MRS2: variants seen among roughly 807,000 people sequenced by gnomAD.
MRS2 encodes magnesium transporter MRS2.
Under a neutral mutation model 52.6 loss-of-function variants are expected in MRS2, and 40 were observed. The ratio of observed to expected loss-of-function variants is 0.76; its 90% CI spans 0.59 to 0.99. The LOEUF (loss-of-function observed/expected upper bound fraction) is 0.99, where lower values mean the gene tolerates loss of function less well. Among genes scored for constraint, MRS2 ranks in the 50% least tolerant of loss-of-function variants. The pLI is 0.00. For synonymous variants in MRS2, 193 were observed against 195.9 expected (o/e 0.98, Z 0.13); for missense variants, 472 against 532.7 (o/e 0.89, Z 1.12).
chr6:24,415,076 T>A lies in MRS2; in HGVS notation c.632T>A (p.Ile211Asn), dbSNP rs138071247. Residue 211 changes from isoleucine to asparagine, a missense_variant, in exon 6 of 11, where the codon ATC (isoleucine) becomes AAC (asparagine). Physicochemically the swap from Ile to Asn is moderately radical, Grantham distance 149 (BLOSUM62 -3). Coordinates refer to ENST00000378386, the MANE Select transcript of MRS2 (RefSeq NM_020662.4). ...QGKLSILQPL[I>N]LETLDALVDP... ...AAACTTAGCATTTTGCAGCCACTGATCCTTGAGACCTTGGATGCTTTGGTG... is the reference window on the plus strand; with the variant it reads ...AAACTTAGCATTTTGCAGCCACTGAACCTTGAGACCTTGGATGCTTTGGTG... 1.2e-6 allele frequency: 2 copies of A among 1,611,904 alleles called. No individual in the cohort carries two copies. The highest frequency in any genetic ancestry group is 1.7e-6 in the Non-Finnish European group (2 of 1,178,400).
chr6:24,413,618 T>G (rs938796208), intron 5 of MRS2, among the ~76,000 whole-genome samples: 1 of 152,184 alleles, frequency 6.6e-6, no homozygotes, highest in African/African-American at 2.4e-5. Flanking sequence ...GTGGTCTGCC[T>G]ATTTGGCTGT....
intron 2 of MRS2, 72 bp downstream of exon 2, chr6:24,405,313 T>G: frequency 9.1e-7 from 1 of 1,095,714 alleles, no homozygotes; most frequent in Non-Finnish European, 1.4e-6. Flanking sequence ...GTTGGACTGT[T>G]GGCCAAGATA....
chr6:24,404,833 G>C (rs1761409244), intron 1 of MRS2, among the ~76,000 whole-genome samples: 1 of 152,144 alleles, frequency 6.6e-6, no homozygotes, highest in Non-Finnish European at 1.5e-5. Flanking sequence ...AGGAAGACCA[G>C]ACATTTTCTT....
chr6:24,418,148 C>T lies in MRS2; in HGVS notation c.901C>T (p.Arg301Ter), dbSNP rs778611295. ...EMELLLENYY[R>*]LADDLSNAAR... The stretch of plus-strand genomic sequence containing the variant: ...GGAGTTGCTGTTGGAAAACTACTAC[C>T]GATTGGCTGACGATCTCTCCAATGC... Residue 301 changes from arginine to a stop codon, truncating the protein, a stop_gained, in exon 8 of 11, where the codon CGA becomes TGA. Coordinates refer to ENST00000378386, the MANE Select transcript of MRS2 (RefSeq NM_020662.4). LOFTEE classifies it high-confidence loss of function. 9 of 1,613,470 alleles carry T rather than the reference C, an allele frequency of 5.6e-6. No homozygotes were observed. The highest frequency in any genetic ancestry group is 2.2e-5 in the East Asian group (1 of 44,884).
intron 9 of MRS2, among the ~76,000 whole-genome samples, chr6:24,419,607 TG>T (rs1421082958): frequency 6.6e-6 from 1 of 152,242 alleles, no homozygotes; most frequent in Non-Finnish European, 1.5e-5. Flanking sequence ...GGCATAGAGC[TG>T]GAAAAATAAC....
chr6:24,420,898 G>T (rs1581711056), intron 9 of MRS2, among the ~76,000 whole-genome samples: 1 of 152,218 alleles, frequency 6.6e-6, no homozygotes, highest in East Asian at 1.9e-4. Context: ...GATCATGTCA[G>T]TGACGTAGAG....
At chr6:24,408,094 T>C (rs141264668) in intron 2 of MRS2, among the ~76,000 whole-genome samples, 1,731 of 152,286 alleles carry the variant, frequency 0.011, 16 homozygotes, top group South Asian at 0.046. Flanking sequence ...TACCAGTCAA[T>C]GGTCATTTTT....
At position 24,425,978 on chromosome 6, in the gene MRS2, A is replaced by C. The variant is rs540605846; in HGVS notation, c.*2284A>C. The C allele has an allele frequency of 6.6e-6, 1 of 152,228 alleles. No individual in the cohort carries two copies. Among genetic ancestry groups the C allele is most frequent in the Non-Finnish European group, 1.5e-5 (1 of 68,038 alleles). 9.4% of individuals were successfully genotyped at this position (152,228 alleles called of 1,614,324 possible). A position where few individuals can be genotyped will look rare whatever the true frequency, so the allele number is the denominator to read the frequency against. On this transcript the variant is annotated 3_prime_UTR_variant, in exon 11 of 11. Coordinates refer to ENST00000378386, the MANE Select transcript of MRS2 (RefSeq NM_020662.4). ...CTACAGAGGTGAGCTAATGGATGGTACATGGAGTAGGGACTGCAGAGACCC... is the reference window on the plus strand; with the variant it reads ...CTACAGAGGTGAGCTAATGGATGGTCCATGGAGTAGGGACTGCAGAGACCC...
intron 4 of MRS2, among the ~76,000 whole-genome samples, chr6:24,411,731 G>T (rs1369477612): frequency 6.6e-6 from 1 of 152,044 alleles, no homozygotes; most frequent in African/African-American, 2.4e-5. Flanking sequence ...TAGAGACGGG[G>T]TTTCACCATG....
chr6:24,418,019 T>C, intron 7 of MRS2, 65 bp from the exon 8 acceptor site: 1 of 1,378,982 alleles, frequency 7.3e-7, no homozygotes, highest in Non-Finnish European at 9.8e-7. Flanking sequence ...TTTAGGAAGT[T>C]TTTGTCACTA....
At position 24,424,221 on chromosome 6, in the gene MRS2, T is replaced by C. The variant is rs768779055; in HGVS notation, c.*527T>C. ...AACCTTATTTCTTGTATTTGCCCCCTTTTTTTTATAAAAGGTGAATAAAAA... is the reference window on the plus strand; with the variant it reads ...AACCTTATTTCTTGTATTTGCCCCCCTTTTTTTATAAAAGGTGAATAAAAA... On this transcript the variant is annotated 3_prime_UTR_variant, in exon 11 of 11. Coordinates refer to ENST00000378386, the MANE Select transcript of MRS2 (RefSeq NM_020662.4). The C allele has an allele frequency of 1.9e-5, 1 of 51,728 alleles. No individual in the cohort carries two copies. Among genetic ancestry groups the C allele is most frequent in the Non-Finnish European group, 4.1e-5 (1 of 24,422 alleles). 3.2% of individuals were successfully genotyped at this position (51,728 alleles called of 1,614,324 possible).
chr6:24,413,575 G>GC (rs1761738916), intron 5 of MRS2, among the ~76,000 whole-genome samples: 1 of 152,184 alleles, frequency 6.6e-6, no homozygotes, highest in Admixed American at 6.5e-5. Flanking sequence ...ACCTTGCTGA[G>GC]CAGAGGGTTT....
chr6:24,416,752 T>C (rs970685726), intron 7 of MRS2, among the ~76,000 whole-genome samples: 8 of 152,156 alleles, frequency 5.3e-5, no homozygotes, highest in Non-Finnish European at 1.0e-4. Flanking sequence ...AACACACAGT[T>C]ACCTTTATAT....
In MRS2 at chr6:24,408,407, G is replaced by A. The variant is rs1180008581; in HGVS notation, c.265-1G>A. The A allele has an allele frequency of 6.4e-7, 1 of 1,573,680 alleles. No homozygotes were observed. The highest frequency in any genetic ancestry group is 1.7e-5 in the Admixed American group (1 of 59,314). On this transcript the variant is annotated splice_acceptor_variant, in intron 2 of 10. Transcript: ENST00000378386. LOFTEE classifies it high-confidence loss of function. ...TAATTTGTTTTATTCTCTATTTTCA[G>A]ACAAAATTTGACAAACAGGGAAACG...
intron 4 of MRS2, chr6:24,410,710 C>T: frequency 6.6e-7 from 1 of 1,510,384 alleles, no homozygotes; most frequent in Non-Finnish European, 8.9e-7. Context: ...AGTCTTCTCC[C>T]ATGTGATTTT....
intron 5 of MRS2, among the ~76,000 whole-genome samples, chr6:24,413,345 A>G (rs755826745): frequency 5.9e-5 from 9 of 152,112 alleles, no homozygotes; most frequent in Non-Finnish European, 1.0e-4. Context: ...CTGCTGGGAT[A>G]CACATTCTTC....
chr6:24,402,937 CAG>C lies in MRS2; in HGVS notation c.-107_-106del, dbSNP rs1761324216. ...GCACGCCCCGCGCATGCCTGGTGCA[CAG>C]AGTCTGCAGGTCGGGCGGTAGCGAC... On this transcript the variant is annotated 5_prime_UTR_variant, in exon 1 of 11. Coordinates refer to ENST00000378386, the MANE Select transcript of MRS2 (RefSeq NM_020662.4). 1.6e-5 allele frequency: 17 copies of C among 1,055,850 alleles called. No individual in the cohort carries two copies. Among genetic ancestry groups the C allele is most frequent in the African/African-American group, 4.9e-5 (3 of 61,562 alleles). 65.4% of individuals were successfully genotyped at this position (1,055,850 alleles called of 1,614,324 possible). A position where few individuals can be genotyped will look rare whatever the true frequency, so the allele number is the denominator to read the frequency against.
chr6:24,417,951 A>AC, intron 7 of MRS2, 133 bp from the exon 8 acceptor site: 1 of 421,596 alleles, frequency 2.4e-6, no homozygotes. Flanking sequence ...AAAAAAAAAA[A>AC]AAGACAAGAC....
At chr6:24,413,940 A>T (rs1450409767) in intron 5 of MRS2, among the ~76,000 whole-genome samples, 1 of 152,234 alleles carries the variant, frequency 6.6e-6, no homozygotes, top group Non-Finnish European at 1.5e-5. Context: ...GTGTTAACCT[A>T]AATAGTCTAT....
Sources: gnomAD v4.1 joint callset for allele counts (sites outside exome capture counted in the v4.1 genomes callset) on GRCh38, gnomAD v4.1.1 for gene constraint, MANE v1.5 for transcripts, NCBI Gene and HGNC (gene_info 2026-07-23, HGNC 2026-07-21) for gene names.